CCSER2: variants seen among roughly 807,000 people sequenced by gnomAD.
The protein encoded by CCSER2 is serine-rich coiled-coil domain-containing protein 2.
In CCSER2, 46 loss-of-function variants were observed where a neutral mutation model predicts 92.3. The ratio of observed to expected loss-of-function variants is 0.50; its 90% confidence interval spans 0.39 to 0.64. The LOEUF (loss-of-function observed/expected upper bound fraction) is 0.64. Ranked by LOEUF, CCSER2 falls within the 30% of genes least tolerant of loss-of-function variation. CCSER2 has a pLI of 0.00. For synonymous variants in CCSER2, 433 were observed against 431.4 expected, an observed-to-expected ratio of 1.00 and a Z score of -0.04; for missense variants, 1,244 against 1,238.9, an observed-to-expected ratio of 1.00 and a Z score of -0.06.
At chr10:84,475,888 G>C (rs939888999) in intron 8 of CCSER2, among the ~76,000 whole-genome samples, 1 of 150,864 alleles carries the variant, frequency 6.6e-6, no homozygotes, top group Admixed American at 6.7e-5. Flanking sequence ...GATGGAGTGC[G>C]GTGGTGCAAT....
intron 1 of CCSER2, among the ~76,000 whole-genome samples, chr10:84,343,129 A>G (rs963629534): frequency 5.9e-5 from 9 of 152,188 alleles, no homozygotes; most frequent in South Asian, 2.1e-4. Flanking sequence ...TGGCCTCCCA[A>G]AGTGGTGGGA....
chr10:84,431,646 GT>G (rs918600432), intron 5 of CCSER2, among the ~76,000 whole-genome samples: 11 of 152,014 alleles, frequency 7.2e-5, no homozygotes, highest in Non-Finnish European at 1.6e-4. Context: ...GGAGGCTGAG[GT>G]GGGGGGATCA....
At chr10:84,427,590 G>A (rs1001278709) in intron 5 of CCSER2, among the ~76,000 whole-genome samples, 3 of 152,028 alleles carry the variant, frequency 2.0e-5, no homozygotes, top group African/African-American at 4.8e-5. Flanking sequence ...TGCCTTATCC[G>A]TAACTCAGGG....
At chr10:84,454,108 CA>C (rs1308095554) in intron 6 of CCSER2, among the ~76,000 whole-genome samples, 1 of 152,154 alleles carries the variant, frequency 6.6e-6, no homozygotes, top group Non-Finnish European at 1.5e-5. Context: ...GCGTTGTCAT[CA>C]GGGCTTTTCT....
Position 84,513,493 on chromosome 10 carries a change from T to C in CCSER2, c.2370T>C (p.Asp790=), listed in dbSNP as rs11557865. 0.21 allele frequency: 343,836 copies of C among 1,613,384 alleles called. 38,935 individuals are homozygous for C. The highest frequency in any genetic ancestry group is 0.42 in the Admixed American group (25,196 of 59,960). The change falls in exon 10 of 10, where the codon GAT becomes GAC. Residue 790 remains aspartate, a synonymous_variant. Coordinates refer to ENST00000372088, the MANE Select transcript of CCSER2 (RefSeq NM_001284240.2). ...QPSSSLPRPT[D]HTQGKLIKPQ... ...CCAGCAGCCTTCCCAGACCCACAGA[T>C]CACACCCAGGGAAAACTAATAAAGC... is the stretch of plus-strand genomic sequence containing the variant.
intron 9 of CCSER2, among the ~76,000 whole-genome samples, chr10:84,491,406 C>T (rs1349391814): frequency 1.3e-5 from 2 of 152,192 alleles, no homozygotes; most frequent in African/African-American, 4.8e-5. Context: ...AGCTTCCCGG[C>T]CACTTTCTTT....
intron 9 of CCSER2, among the ~76,000 whole-genome samples, chr10:84,502,533 A>G (rs2131847448): frequency 6.6e-6 from 1 of 151,986 alleles, no homozygotes; most frequent in Non-Finnish European, 1.5e-5. Flanking sequence ...CACTACGCCC[A>G]TCTAATTTTT....
At chr10:84,398,843 T>G (rs1313978436) in intron 3 of CCSER2, among the ~76,000 whole-genome samples, 1 of 152,206 alleles carries the variant, frequency 6.6e-6, no homozygotes, top group Non-Finnish European at 1.5e-5. Context: ...TGTAGACATA[T>G]TCACAGAGCC....
intron 9 of CCSER2, among the ~76,000 whole-genome samples, chr10:84,505,622 G>A (rs1006228604): frequency 2.6e-5 from 4 of 151,910 alleles, no homozygotes; most frequent in Admixed American, 1.3e-4. Context: ...ATTCAATTTC[G>A]TGTATGCTCA....
chr10:84,431,074 C>T (rs1843736221), intron 5 of CCSER2, among the ~76,000 whole-genome samples: 1 of 152,132 alleles, frequency 6.6e-6, no homozygotes, highest in Non-Finnish European at 1.5e-5. Context: ...TGATTAACAT[C>T]TTGCATGATT....
intron 9 of CCSER2, among the ~76,000 whole-genome samples, chr10:84,482,319 C>T (rs1847505758): frequency 6.6e-6 from 1 of 152,076 alleles, no homozygotes; most frequent in Non-Finnish European, 1.5e-5. Context: ...AGAAGAATAA[C>T]AATATGGAAG....
chr10:84,340,389 A>C (rs1382505359), intron 1 of CCSER2, among the ~76,000 whole-genome samples: 1 of 152,240 alleles, frequency 6.6e-6, no homozygotes, highest in Non-Finnish European at 1.5e-5. Flanking sequence ...TGAGTAAAGC[A>C]AATAATTATC....
intron 1 of CCSER2, among the ~76,000 whole-genome samples, chr10:84,351,934 C>G (rs1844881116): frequency 6.6e-6 from 1 of 152,064 alleles, no homozygotes; most frequent in Non-Finnish European, 1.5e-5. Context: ...TCTTTTGGTA[C>G]AGTGTTCTAT....
chr10:84,462,659 A>G (rs1401019664), intron 6 of CCSER2, among the ~76,000 whole-genome samples: 1 of 152,242 alleles, frequency 6.6e-6, no homozygotes, highest in Non-Finnish European at 1.5e-5. Flanking sequence ...TGACACCACC[A>G]TAGAAAAGTA....
chr10:84,335,251 T>TG (rs1843772562), intron 1 of CCSER2, among the ~76,000 whole-genome samples: 1 of 143,576 alleles, frequency 7.0e-6, no homozygotes, highest in African/African-American at 2.7e-5. Flanking sequence ...TTTTTTTTTT[T>TG]GAGACAGGGT....
intron 3 of CCSER2, 91 bp from the exon 4 acceptor site, chr10:84,417,680 C>T: frequency 1.5e-6 from 1 of 651,944 alleles, no homozygotes; most frequent in Non-Finnish European, 2.8e-6. Context: ...TGAGTGAATT[C>T]AGGATATCAT....
At chr10:84,341,312 G>A (rs1844167022) in intron 1 of CCSER2, among the ~76,000 whole-genome samples, 1 of 147,978 alleles carries the variant, frequency 6.8e-6, no homozygotes. Flanking sequence ...AGAATTACAG[G>A]CACAAGCCAC....
chr10:84,345,851 G>A (rs1359803629), intron 1 of CCSER2, among the ~76,000 whole-genome samples: 1 of 151,968 alleles, frequency 6.6e-6, no homozygotes, highest in Non-Finnish European at 1.5e-5. Flanking sequence ...AAGATTTTGG[G>A]ATTGTGTATA....
At chr10:84,417,259 A>G (rs1334185757) in intron 3 of CCSER2, among the ~76,000 whole-genome samples, 1 of 152,266 alleles carries the variant, frequency 6.6e-6, no homozygotes, top group African/African-American at 2.4e-5. Context: ...TATCATAGAA[A>G]AAGAACAAAT....
Sources: gnomAD v4.1 joint callset for allele counts (sites outside exome capture counted in the v4.1 genomes callset) on GRCh38, gnomAD v4.1.1 for gene constraint, MANE v1.5 for transcripts, NCBI Gene and HGNC (gene_info 2026-07-23, HGNC 2026-07-21) for gene names.